The following DMD variants were observed in gnomAD, a reference collection of about 807,000 sequenced individuals.
The protein encoded by DMD is dystrophin, also known as mutant dystrophin.
DMD carries 63 observed loss-of-function variants against 330.1 expected under a neutral mutation model. The observed-to-expected ratio is 0.19, with a 90% CI of 0.16 to 0.24. The LOEUF is 0.24. Ranked by LOEUF, DMD falls within the 10% of genes least tolerant of loss-of-function variation. The probability of loss-of-function intolerance (pLI) is 1.00; values close to 1 mark genes in which losing one functional copy is unlikely to be tolerated. For synonymous variants in DMD, 1,223 were observed against 959.8 expected, an observed-to-expected ratio of 1.27 and a Z score of -5.07; for missense variants, 3,344 against 2,684.1, an observed-to-expected ratio of 1.25 and a Z score of -5.43.
intron 7 of DMD, among the ~76,000 whole-genome samples, chrX:32,749,933 A>C (rs1168985354): frequency 8.9e-6 from 1 of 112,577 alleles, no homozygotes; most frequent in African/African-American, 3.2e-5. Context: ...AATGAATCAC[A>C]ATTTGTTCAT....
At chrX:32,109,418 C>G (rs2096579184) in intron 44 of DMD, among the ~76,000 whole-genome samples, 1 of 110,955 alleles carries the variant, frequency 9.0e-6, no homozygotes. Context: ...AGACCTGTAT[C>G]AATAACATAA....
At chrX:32,471,162 C>A (rs7064998) in intron 22 of DMD, among the ~76,000 whole-genome samples, 1,795 of 110,897 alleles carry the variant, frequency 0.016, 46 homozygotes, top group African/African-American at 0.057. Context: ...ACTATAATCC[C>A]AGCTACTCAG....
chrX:32,375,915 A>T (rs2097900786), intron 34 of DMD, among the ~76,000 whole-genome samples: 1 of 111,613 alleles, frequency 9.0e-6, no homozygotes, highest in Non-Finnish European at 1.9e-5. Flanking sequence ...GCATTAGAAA[A>T]CAAATGGTGA....
At chrX:31,477,503 T>C (rs924227602) in intron 59 of DMD, among the ~76,000 whole-genome samples, 2 of 111,772 alleles carry the variant, frequency 1.8e-5, no homozygotes, top group African/African-American at 6.5e-5. Flanking sequence ...CAGAATATAT[T>C]TGCCATCTTT....
At chrX:32,272,397 G>T (rs1205103071) in intron 43 of DMD, among the ~76,000 whole-genome samples, 1 of 111,955 alleles carries the variant, frequency 8.9e-6, no homozygotes, top group Non-Finnish European at 1.9e-5. Context: ...TACTGATCTC[G>T]AACATAAAGA....
At chrX:31,943,071 A>G (rs2095028711) in intron 45 of DMD, among the ~76,000 whole-genome samples, 1 of 112,388 alleles carries the variant, frequency 8.9e-6, no homozygotes, top group Non-Finnish European at 1.9e-5. Flanking sequence ...GTTTTACTGG[A>G]ACAGAGCTAC....
chrX:32,842,693 T>A (rs752725912), intron 4 of DMD, among the ~76,000 whole-genome samples: 181 of 112,182 alleles, frequency 1.6e-3, no homozygotes, highest in African/African-American at 5.8e-3. Context: ...TGTTTCTGTG[T>A]TAGTTTACTT....
intron 7 of DMD, among the ~76,000 whole-genome samples, chrX:32,706,751 G>T (rs2064702786): frequency 9.0e-6 from 1 of 111,393 alleles, no homozygotes; most frequent in Non-Finnish European, 1.9e-5. Context: ...AACTTATCAT[G>T]CAGCCAATCC....
At chrX:31,394,494 C>T (rs2060821613) in intron 60 of DMD, among the ~76,000 whole-genome samples, 1 of 112,276 alleles carries the variant, frequency 8.9e-6, no homozygotes, top group Non-Finnish European at 1.9e-5. Context: ...TTTTCTCTTA[C>T]AATTAAATCG....
rs34177386 is a variant in DMD at position 32,992,906 on chromosome X, C to CAAAAAAAA, written c.93+27225_93+27232dup. 1.1e-3 allele frequency among the ~76,000 whole-genome samples: 40 copies of CAAAAAAAA among 35,501 alleles called. 1 individual carries two copies. Among genetic ancestry groups the CAAAAAAAA allele is most frequent in the African/African-American group, 3.3e-3 (38 of 11,434 alleles). The allele number at this position is 35,501 out of a possible 115,157, so 30.8% of individuals were successfully genotyped here. The stretch of plus-strand genomic sequence containing the variant: ...GGGCAACAAAAGCCAAGCTCTGTCT[C>CAAAAAAAA]AAAAAAAAAAAAAAAAAAAAACTGT... On this transcript the variant is annotated intron_variant, in intron 2 of 78. Coordinates refer to ENST00000357033, the MANE Select transcript of DMD (RefSeq NM_004006.3).
At chrX:32,458,898 A>T (rs1193002871) in intron 25 of DMD, among the ~76,000 whole-genome samples, 2 of 111,285 alleles carry the variant, frequency 1.8e-5, no homozygotes, top group Admixed American at 1.9e-4. Flanking sequence ...TTTGGATATT[A>T]ATCATTTGCC....
chrX:33,010,154 ATG>A (rs1569549249), intron 2 of DMD, among the ~76,000 whole-genome samples: 1 of 103,696 alleles, frequency 9.6e-6, no homozygotes, highest in African/African-American at 3.5e-5. Flanking sequence ...GTATATATAC[ATG>A]TGTGTATATG....
In DMD at chrX:32,754,811, A is replaced by G. The variant is rs765969951; in HGVS notation, c.649+54682T>C. ...ATATACAAGACACATAACTGTACAT[A>G]ACACCCTAGCCATTAAATCATTGTG... is the stretch of plus-strand genomic sequence containing the variant. On this transcript the variant is annotated intron_variant, in intron 7 of 78. Coordinates refer to ENST00000357033, the MANE Select transcript of DMD (RefSeq NM_004006.3). 15 of 111,934 alleles carry G rather than the reference A, an allele frequency of 1.3e-4. No homozygotes were observed. The South Asian group carries it at 4.8e-3, about 36-fold the overall frequency. The allele number at this position is 111,934 out of a possible 1,213,427, so 9.2% of individuals were successfully genotyped here. A position where few individuals can be genotyped will look rare whatever the true frequency, so the allele number is the denominator to read the frequency against.
At chrX:31,597,966 A>G (rs181912154) in intron 55 of DMD, among the ~76,000 whole-genome samples, 3 of 111,736 alleles carry the variant, frequency 2.7e-5, no homozygotes, top group Admixed American at 9.5e-5. Flanking sequence ...GGGGACTCTA[A>G]TAAGTATCTA....
intron 9 of DMD, among the ~76,000 whole-genome samples, chrX:32,681,934 C>T (rs776021393): frequency 3.6e-5 from 4 of 111,345 alleles, no homozygotes; most frequent in Non-Finnish European, 5.7e-5. Flanking sequence ...AAAAACCCTT[C>T]CAGGAAGAGG....
At chrX:32,931,598 C>T (rs1765608288) in intron 2 of DMD, among the ~76,000 whole-genome samples, 1 of 110,866 alleles carries the variant, frequency 9.0e-6, no homozygotes, top group Non-Finnish European at 1.9e-5. Flanking sequence ...TATAAGTGTG[C>T]TTATATAAGT....
At chrX:32,653,302 A>C (rs1018670815) in intron 9 of DMD, among the ~76,000 whole-genome samples, 6 of 112,051 alleles carry the variant, frequency 5.4e-5, no homozygotes, top group Non-Finnish European at 9.4e-5. Flanking sequence ...TCTAACATTT[A>C]AGTCTTTGAT....
intron 29 of DMD, among the ~76,000 whole-genome samples, chrX:32,423,775 G>A (rs2098200552): frequency 9.1e-6 from 1 of 110,468 alleles, no homozygotes; most frequent in Non-Finnish European, 1.9e-5. Flanking sequence ...TGAAGGCTAT[G>A]TACTCTTTCA....
chrX:32,546,735 C>G (rs939438157), intron 16 of DMD, among the ~76,000 whole-genome samples: 52 of 111,072 alleles, frequency 4.7e-4, no homozygotes, highest in African/African-American at 1.6e-3. Flanking sequence ...TTTATCTTCT[C>G]TAGGATCTCC....
Sources: gnomAD v4.1 joint callset for allele counts (sites outside exome capture counted in the v4.1 genomes callset) on GRCh38, gnomAD v4.1.1 for gene constraint, MANE v1.5 for transcripts, NCBI Gene and HGNC (gene_info 2026-07-23, HGNC 2026-07-21) for gene names.